The following MTMR7 variants were observed in gnomAD, a reference collection of about 807,000 sequenced individuals.
The protein encoded by MTMR7 is phosphatidylinositol-3-phosphate phosphatase MTMR7.
In MTMR7, 76 loss-of-function variants were observed where a neutral mutation model predicts 81.2. The ratio of observed to expected loss-of-function variants is 0.94; its 90% CI spans 0.78 to 1.13. The LOEUF (loss-of-function observed/expected upper bound fraction) is 1.13. Ranked by LOEUF, MTMR7 falls within the 50% of genes most tolerant of loss-of-function variation. The pLI is 0.00. For missense variants in MTMR7, 1,044 were observed against 820.0 expected (o/e 1.27, Z -3.34); for synonymous variants, 372 against 289.8 (o/e 1.28, Z -2.88).
chr8:17,304,169 T>G (rs1009070399), intron 12 of MTMR7, among the ~76,000 whole-genome samples: 15 of 152,162 alleles, frequency 9.9e-5, no homozygotes, highest in African/African-American at 3.4e-4. Flanking sequence ...CATCACCTCC[T>G]GAAGAAAATT....
chr8:17,330,520 T>G (rs1336173186), intron 7 of MTMR7, among the ~76,000 whole-genome samples: 3 of 152,274 alleles, frequency 2.0e-5, no homozygotes, highest in Admixed American at 1.3e-4. Flanking sequence ...GCAGAATTTC[T>G]GCTCATCAGC....
At chr8:17,327,918 C>G (rs948162800) in intron 7 of MTMR7, among the ~76,000 whole-genome samples, 4 of 151,990 alleles carry the variant, frequency 2.6e-5, no homozygotes, top group African/African-American at 7.3e-5. Flanking sequence ...CAGATAATAC[C>G]ACATACTGCA....
At chr8:17,306,489 C>T (rs556642702) in intron 10 of MTMR7, among the ~76,000 whole-genome samples, 18 of 152,268 alleles carry the variant, frequency 1.2e-4, no homozygotes, top group African/African-American at 4.3e-4. Context: ...ACGACAGATT[C>T]CACATGTATT....
At chr8:17,376,430 T>G (rs1295387892) in intron 1 of MTMR7, among the ~76,000 whole-genome samples, 4 of 152,230 alleles carry the variant, frequency 2.6e-5, no homozygotes, top group African/African-American at 4.8e-5. Flanking sequence ...GGACATATGC[T>G]TTCATTTATC....
At chr8:17,387,233 C>T (rs1820973232) in intron 1 of MTMR7, among the ~76,000 whole-genome samples, 1 of 152,220 alleles carries the variant, frequency 6.6e-6, no homozygotes, top group Admixed American at 6.5e-5. Flanking sequence ...GATGTACCAG[C>T]ATCTGTTTCT....
intron 6 of MTMR7, among the ~76,000 whole-genome samples, chr8:17,335,679 T>G (rs1349314634): frequency 6.6e-6 from 1 of 152,214 alleles, no homozygotes; most frequent in Non-Finnish European, 1.5e-5. Context: ...GAAACTTCAC[T>G]TGTGGTGCAG....
intron 4 of MTMR7, among the ~76,000 whole-genome samples, chr8:17,352,391 T>C (rs1021790599): frequency 2.0e-5 from 3 of 152,114 alleles, no homozygotes; most frequent in Non-Finnish European, 4.4e-5. Flanking sequence ...GATACCCACA[T>C]GCAAAAGTAA....
chr8:17,363,254 C>T (rs1047265208), intron 3 of MTMR7, among the ~76,000 whole-genome samples: 1 of 152,240 alleles, frequency 6.6e-6, no homozygotes, highest in African/African-American at 2.4e-5. Flanking sequence ...ACTCAGGCTT[C>T]TGCTACCATA....
chr8:17,395,318 G>C (rs1281513202), intron 1 of MTMR7, among the ~76,000 whole-genome samples: 1 of 152,022 alleles, frequency 6.6e-6, no homozygotes, highest in Non-Finnish European at 1.5e-5. Flanking sequence ...CTGTTCATTT[G>C]TTGATGGACT....
chr8:17,387,014 C>T (rs1272612255), intron 1 of MTMR7, among the ~76,000 whole-genome samples: 1 of 152,176 alleles, frequency 6.6e-6, no homozygotes, highest in African/African-American at 2.4e-5. Context: ...TTCAGAGCTA[C>T]AGTATCTCCC....
chr8:17,364,026 T>A (rs1820141492), intron 3 of MTMR7, among the ~76,000 whole-genome samples: 1 of 115,538 alleles, frequency 8.7e-6, no homozygotes, highest in Non-Finnish European at 1.6e-5. Context: ...CTATTATTTT[T>A]TTTTTTTTTT....
chr8:17,381,580 T>C (rs1820762825), intron 1 of MTMR7, among the ~76,000 whole-genome samples: 1 of 152,152 alleles, frequency 6.6e-6, no homozygotes, highest in African/African-American at 2.4e-5. Flanking sequence ...GGGGTGCCAG[T>C]CATTGAAAAG....
intron 4 of MTMR7, among the ~76,000 whole-genome samples, chr8:17,355,340 A>G (rs558890830): frequency 3.9e-5 from 6 of 152,294 alleles, no homozygotes; most frequent in African/African-American, 1.4e-4. Flanking sequence ...AATTAACTTT[A>G]TGGTTGTTAA....
chr8:17,376,037 G>A lies in MTMR7; in HGVS notation c.25-2797C>T, dbSNP rs561737358. Among the ~76,000 whole-genome samples the A allele has an allele frequency of 4.6e-5, 7 of 152,068 alleles. No individual in the cohort carries two copies. In the East Asian group the frequency reaches 9.7e-4, roughly 21 times the overall value. ...ACTATTTTAAAACATTTTCATCACCGCAAAAAGAAATCCTGCACCCACTAC... is the reference window on the plus strand; with the variant it reads ...ACTATTTTAAAACATTTTCATCACCACAAAAAGAAATCCTGCACCCACTAC... On this transcript the variant is annotated intron_variant, in intron 1 of 13. Transcript: ENST00000180173.
rs1433484908 is a variant in MTMR7 at position 17,297,693 on chromosome 8, C to A, written c.*2169G>T. 1 of 152,010 alleles carries A rather than the reference C, an allele frequency of 6.6e-6. No individual in the cohort carries two copies. The highest frequency in any genetic ancestry group is 1.5e-5 in the Non-Finnish European group (1 of 67,928). 9.4% of individuals were successfully genotyped at this position (152,010 alleles called of 1,614,324 possible). ...AACCACTGCTCTCAATAAAACACTT[C>A]CTGATTAATGTTTGATTATTAGATA... On this transcript the variant is annotated 3_prime_UTR_variant, in exon 14 of 14. Transcript: ENST00000180173.
chr8:17,353,355 T>G (rs1319315997), intron 4 of MTMR7, among the ~76,000 whole-genome samples: 10 of 152,180 alleles, frequency 6.6e-5, no homozygotes, highest in Non-Finnish European at 1.0e-4. Flanking sequence ...TCCAGAGATC[T>G]ATTATAGTAC....
chr8:17,313,900 A>G (rs765658496), intron 7 of MTMR7, among the ~76,000 whole-genome samples: 18 of 152,210 alleles, frequency 1.2e-4, no homozygotes, highest in Non-Finnish European at 1.6e-4. Context: ...AAAATGATCA[A>G]ACTCCTCTTG....
At chr8:17,328,411 G>A (rs1233193934) in intron 7 of MTMR7, among the ~76,000 whole-genome samples, 1 of 152,146 alleles carries the variant, frequency 6.6e-6, no homozygotes, top group Non-Finnish European at 1.5e-5. Flanking sequence ...CTCTTCTACG[G>A]ACTGTTTTAA....
In MTMR7 at chr8:17,299,955, C is replaced by A; in HGVS notation, c.1890G>T (p.Leu630Phe). ...CACCACCACTTGGAGACCGACAGCT[C>A]AAATCCTCCACCCCGGACTCTTGGT... ...NSDQESGVED[L>F]SCRSPSGGEH... The change falls in exon 14 of 14, where the codon TTG (leucine) becomes TTT (phenylalanine). Residue 630 changes from leucine (L) to phenylalanine (F), a missense_variant. Transcript: ENST00000180173. 1 of 1,614,156 alleles carries A rather than the reference C, an allele frequency of 6.2e-7. No homozygotes were observed.
Sources: allele counts gnomAD v4.1 joint callset (sites outside exome capture counted in the v4.1 genomes callset), GRCh38; gene constraint gnomAD v4.1.1; transcripts MANE v1.5; gene names NCBI Gene and HGNC (gene_info 2026-07-23, HGNC 2026-07-21).